Variants in FRMD5 observed in about 807,000 individuals in gnomAD.
FRMD5 encodes FERM domain-containing protein 5.
FRMD5 carries 20 observed loss-of-function variants against 69.0 expected under a neutral mutation model. The ratio of observed to expected loss-of-function variants is 0.29; its 90% CI spans 0.20 to 0.42. The LOEUF is 0.42. Ranked by LOEUF, FRMD5 falls within the 10% of genes least tolerant of loss-of-function variation. The pLI is 1.00. For synonymous variants in FRMD5, 271 were observed against 260.1 expected (o/e 1.04, Z -0.40); for missense variants, 595 against 708.6 (o/e 0.84, Z 1.82).
intron 1 of FRMD5, among the ~76,000 whole-genome samples, chr15:44,069,864 T>C (rs1425854832): frequency 6.6e-6 from 1 of 152,182 alleles, no homozygotes; most frequent in Non-Finnish European, 1.5e-5. Flanking sequence ...TGCATGTAAA[T>C]CTACAATTAT....
chr15:44,121,486 T>C (rs954031456), intron 1 of FRMD5, among the ~76,000 whole-genome samples: 2 of 152,090 alleles, frequency 1.3e-5, no homozygotes, highest in Non-Finnish European at 2.9e-5. Flanking sequence ...AATCCAATGA[T>C]CACTGGTCTA....
intron 13 of FRMD5, among the ~76,000 whole-genome samples, chr15:43,880,452 G>A (rs976235372): frequency 2.6e-5 from 4 of 152,098 alleles, no homozygotes; most frequent in Non-Finnish European, 5.9e-5. Context: ...CTTGAAAGAC[G>A]TTGCACCTGA....
intron 1 of FRMD5, among the ~76,000 whole-genome samples, chr15:44,033,733 C>T (rs1180887446): frequency 6.6e-6 from 1 of 152,174 alleles, no homozygotes; most frequent in Non-Finnish European, 1.5e-5. Context: ...AAACATCAAA[C>T]TCCTTGAGTT....
At chr15:44,021,059 C>A (rs191951330) in intron 1 of FRMD5, among the ~76,000 whole-genome samples, 2 of 152,260 alleles carry the variant, frequency 1.3e-5, no homozygotes, top group Admixed American at 6.5e-5. Flanking sequence ...GAGGCCAAGG[C>A]AGCTCATTTG....
intron 1 of FRMD5, among the ~76,000 whole-genome samples, chr15:44,040,987 G>A (rs1267267069): frequency 1.1e-4 from 5 of 44,000 alleles, no homozygotes; most frequent in African/African-American, 5.6e-4. Context: ...CAAGGAAATG[G>A]AAAGCAAAAA....
At chr15:44,026,407 C>G (rs1030589219) in intron 1 of FRMD5, among the ~76,000 whole-genome samples, 1 of 152,236 alleles carries the variant, frequency 6.6e-6, no homozygotes, top group African/African-American at 2.4e-5. Flanking sequence ...TATTAAAATA[C>G]ACTAGATTAA....
At chr15:43,913,146 C>T (rs2089320999) in intron 4 of FRMD5, among the ~76,000 whole-genome samples, 1 of 152,154 alleles carries the variant, frequency 6.6e-6, no homozygotes, top group African/African-American at 2.4e-5. Context: ...ACTGTCTTTC[C>T]AAGGCATCAT....
Position 43,902,208 on chromosome 15 carries a change from C to T in FRMD5, c.606G>A (p.Leu202=), listed in dbSNP as rs764036694. ...GGTGAGGATCCACTCCATATGTTTC[C>T]AATGTCTGTGCTTTTCTTAAGAAGT... ...ELNFLRKAQT[L]ETYGVDPHPC... Residue 202 remains leucine (L), a synonymous_variant, in exon 7 of 14, where the codon TTG becomes TTA. Transcript: ENST00000417257. 6.8e-6 allele frequency: 11 copies of T among 1,614,010 alleles called. No homozygotes were observed. The South Asian group carries it at 8.8e-5, about 13-fold the overall frequency.
At chr15:44,141,737 T>TA (rs771179999) in intron 1 of FRMD5, among the ~76,000 whole-genome samples, 1 of 152,210 alleles carries the variant, frequency 6.6e-6, no homozygotes, top group Non-Finnish European at 1.5e-5. Flanking sequence ...GCTGCAGAGT[T>TA]AGAGTGTGAG....
chr15:44,014,747 A>G (rs1393620803), intron 1 of FRMD5, among the ~76,000 whole-genome samples: 2 of 152,118 alleles, frequency 1.3e-5, no homozygotes, highest in Non-Finnish European at 2.9e-5. Flanking sequence ...CAAAAAAAAG[A>G]AAAAAGAAAA....
chr15:44,135,629 C>T (rs1263747804), intron 1 of FRMD5, among the ~76,000 whole-genome samples: 3 of 152,020 alleles, frequency 2.0e-5, no homozygotes, highest in East Asian at 1.9e-4. Flanking sequence ...GAGTTCAAGA[C>T]CAGCCTGGCC....
chr15:43,983,774 C>T (rs908827731), intron 1 of FRMD5, among the ~76,000 whole-genome samples: 1 of 152,124 alleles, frequency 6.6e-6, no homozygotes, highest in Non-Finnish European at 1.5e-5. Context: ...CTAAGGTCCT[C>T]CCCCCATCCA....
intron 1 of FRMD5, among the ~76,000 whole-genome samples, chr15:44,053,488 T>C (rs1164912720): frequency 6.6e-6 from 1 of 152,156 alleles, no homozygotes; most frequent in Admixed American, 6.6e-5. Flanking sequence ...AAAAAGATGA[T>C]GCTAGAGAGC....
Position 43,997,434 on chromosome 15 carries a change from CA to C in FRMD5, c.103-73126del, listed in dbSNP as rs1233087383. Among the ~76,000 whole-genome samples, 21 of 152,326 alleles carry C rather than the reference CA, an allele frequency of 1.4e-4. No homozygotes were observed. The South Asian group carries it at 4.4e-3, about 32-fold the overall frequency. On this transcript the variant is annotated intron_variant, in intron 1 of 13. Coordinates refer to ENST00000417257, the MANE Select transcript of FRMD5 (RefSeq NM_032892.5). ...AATTCCCCATTCTGCAGTAAGGTTG[CA>C]AAGGATATATTCTTACCAACACATT...
intron 1 of FRMD5, among the ~76,000 whole-genome samples, chr15:44,029,457 T>C (rs538859300): frequency 1.3e-5 from 2 of 152,138 alleles, no homozygotes; most frequent in African/African-American, 4.8e-5. Flanking sequence ...AGCAACTTTA[T>C]TTTACCTGCC....
chr15:43,955,643 T>C (rs1380009908), intron 1 of FRMD5, among the ~76,000 whole-genome samples: 1 of 142,830 alleles, frequency 7.0e-6, no homozygotes, highest in African/African-American at 2.6e-5. Flanking sequence ...CTGAATAAGT[T>C]TGTTTTTGTT....
At chr15:44,023,123 T>C (rs1224771764) in intron 1 of FRMD5, among the ~76,000 whole-genome samples, 1 of 152,140 alleles carries the variant, frequency 6.6e-6, no homozygotes, top group Non-Finnish European at 1.5e-5. Context: ...CCCCAGTCTT[T>C]GGGCCACACC....
chr15:44,174,146 C>T lies in FRMD5; in HGVS notation c.102+20807G>A, dbSNP rs754454043. On this transcript the variant is annotated intron_variant, in intron 1 of 13. Coordinates refer to ENST00000417257, the MANE Select transcript of FRMD5 (RefSeq NM_032892.5). Reference sequence around the variant, plus strand: ...TCTAATAAAATTCTGCTCAATGTAACCATGCATTGCTCACTCATCAGTCCC... The same window carrying T: ...TCTAATAAAATTCTGCTCAATGTAATCATGCATTGCTCACTCATCAGTCCC... Among the ~76,000 whole-genome samples the T allele has an allele frequency of 4.7e-4, 72 of 152,206 alleles. 1 individual carries two copies. The highest frequency in any genetic ancestry group is 9.9e-4 in the Non-Finnish European group (67 of 68,012).
At chr15:43,976,669 C>CT (rs572122816) in intron 1 of FRMD5, among the ~76,000 whole-genome samples, 23 of 152,022 alleles carry the variant, frequency 1.5e-4, no homozygotes, top group African/African-American at 5.1e-4. Context: ...ACTAAAGTTT[C>CT]TTTTTTTTAT....
Sources: allele counts gnomAD v4.1 joint callset (sites outside exome capture counted in the v4.1 genomes callset), GRCh38; gene constraint gnomAD v4.1.1; transcripts MANE v1.5; gene names NCBI Gene and HGNC (gene_info 2026-07-23, HGNC 2026-07-21).